Variants in RNASET2 observed in about 807,000 individuals in gnomAD.
The protein encoded by RNASET2 is ribonuclease T2.
A neutral mutation model predicts 33.9 loss-of-function variants in RNASET2; 28 were observed. That is an observed-to-expected ratio of 0.83 (90% CI 0.61 to 1.13). The LOEUF is 1.13. Among genes scored for constraint, RNASET2 ranks in the 50% most tolerant of loss-of-function variants. The pLI, the probability that RNASET2 is intolerant of heterozygous loss-of-function variation, is 0.00. For missense variants in RNASET2, 330 were observed against 319.9 expected (o/e 1.03, Z -0.24); for synonymous variants, 123 against 121.0 (o/e 1.02, Z -0.11).
At chr6:166,942,215 G>A (rs866453535) in intron 5 of RNASET2, among the ~76,000 whole-genome samples, 22 of 152,078 alleles carry the variant, frequency 1.4e-4, no homozygotes, top group African/African-American at 4.3e-4. Context: ...ATCATGCCCA[G>A]CTAATTTTTG....
chr6:166,924,986 C>T lies in RNASET2; in HGVS notation c.*4602G>A, dbSNP rs1321706146. Reference sequence around the variant, plus strand: ...GCAGGAGAAGTACAGGCCTCACCTCCACCGCGCAGGCCTCATCTACGCCAT... The same window carrying T: ...GCAGGAGAAGTACAGGCCTCACCTCTACCGCGCAGGCCTCATCTACGCCAT... On this transcript the variant is annotated 3_prime_UTR_variant, in exon 9 of 9. Coordinates refer to ENST00000508775, the MANE Select transcript of RNASET2 (RefSeq NM_003730.6). Among the ~76,000 whole-genome samples, 3 of 152,056 alleles carry T rather than the reference C, an allele frequency of 2.0e-5. No individual in the cohort carries two copies. Among genetic ancestry groups the T allele is most frequent in the African/African-American group, 7.2e-5 (3 of 41,386 alleles).
Position 166,922,281 on chromosome 6 carries a change from C to T in RNASET2, c.*7307G>A, listed in dbSNP as rs1210531634. ...TACTCACTGACACACTCAAAAAGCG[C>T]GGTGATCTGAGTTATAGTAAAGCCT... is the stretch of plus-strand genomic sequence containing the variant. On this transcript the variant is annotated 3_prime_UTR_variant, in exon 9 of 9. Transcript: ENST00000508775. 2.0e-5 allele frequency among the ~76,000 whole-genome samples: 3 copies of T among 152,146 alleles called. No individual in the cohort carries two copies. Among genetic ancestry groups the T allele is most frequent in the South Asian group, 4.1e-4 (2 of 4,822 alleles).
Position 166,926,324 on chromosome 6 carries a change from G to C in RNASET2, c.*3264C>G, listed in dbSNP as rs561169209. Among the ~76,000 whole-genome samples the C allele has an allele frequency of 6.6e-6, 1 of 151,744 alleles. No individual in the cohort carries two copies. Among genetic ancestry groups the C allele is most frequent in the East Asian group, 1.9e-4 (1 of 5,152 alleles). ...AGGCTGAGGCAGGCAGATCACCTGA[G>C]GTCAGGAGTTCCAGACCAGCCTGGC... On this transcript the variant is annotated 3_prime_UTR_variant, in exon 9 of 9. Coordinates refer to ENST00000508775, the MANE Select transcript of RNASET2 (RefSeq NM_003730.6).
intron 3 of RNASET2, among the ~76,000 whole-genome samples, chr6:166,947,080 T>G (rs1431550749): frequency 6.6e-6 from 1 of 151,992 alleles, no homozygotes; most frequent in Non-Finnish European, 1.5e-5. Context: ...CAACCTCTGC[T>G]GCTCCCTAGC....
intron 1 of RNASET2, among the ~76,000 whole-genome samples, chr6:166,955,273 G>A (rs965908667): frequency 2.8e-4 from 24 of 84,758 alleles, no homozygotes; most frequent in African/African-American, 1.0e-3. Context: ...ACACACACGC[G>A]CACACACGAC....
chr6:166,936,039 C>G (rs912148944), intron 6 of RNASET2, among the ~76,000 whole-genome samples: 1 of 152,036 alleles, frequency 6.6e-6, no homozygotes, highest in Non-Finnish European at 1.5e-5. Flanking sequence ...TACCAGTTTA[C>G]AAGGAAAAAT....
intron 1 of RNASET2, chr6:166,952,879 C>G (rs932634360): frequency 2.8e-5 from 10 of 355,754 alleles, no homozygotes; most frequent in South Asian, 2.6e-4. Context: ...CACGAAGCAC[C>G]TTTCTCCTAA....
intron 4 of RNASET2, among the ~76,000 whole-genome samples, chr6:166,944,879 G>A (rs1216477401): frequency 6.6e-6 from 1 of 151,592 alleles, no homozygotes; most frequent in African/African-American, 2.4e-5. Flanking sequence ...GCCCACACCT[G>A]TCAGCGCTGT....
In RNASET2 at chr6:166,934,135, C is replaced by A. The variant is rs771231451; in HGVS notation, c.448G>T (p.Val150Leu). The A allele has an allele frequency of 3.1e-6, 5 of 1,593,466 alleles. No homozygotes were observed. In the African/African-American group the frequency reaches 6.7e-5, roughly 21 times the overall value. ...ELYRELDLNS[V>L]LLKLGIKPSI... ...GGTTTTATCCCCAATTTTAGAAGCA[C>A]ACTAAAATTTAAATTTAAAAAAGTT... The change falls in exon 7 of 9, where the codon GTG (valine) becomes TTG (leucine). Residue 150 changes from valine (V) to leucine (L), a missense_variant and splice_region_variant. Coordinates refer to ENST00000508775, the MANE Select transcript of RNASET2 (RefSeq NM_003730.6).
chr6:166,940,929 G>A (rs1438554743), intron 5 of RNASET2, among the ~76,000 whole-genome samples: 2 of 152,010 alleles, frequency 1.3e-5, no homozygotes, highest in African/African-American at 4.8e-5. Context: ...CCTCGGGGCT[G>A]GTTATGCCCA....
In RNASET2 at chr6:166,929,335, G is replaced by C. The variant is rs960190591; in HGVS notation, c.*253C>G. Among the ~76,000 whole-genome samples the C allele has an allele frequency of 2.8e-5, 4 of 140,876 alleles. No homozygotes were observed. Among genetic ancestry groups the C allele is most frequent in the African/African-American group, 1.2e-4 (4 of 32,360 alleles). The allele number at this position is 140,876 out of a possible 152,430, so 92.4% of individuals were successfully genotyped here. ...GCCTGATCTACCAGGGCACTGAAGA[G>C]TTTAATAGAGAAAAAAAAAAACAAT... On this transcript the variant is annotated 3_prime_UTR_variant, in exon 9 of 9. Transcript: ENST00000508775.
chr6:166,955,241 A>ACG (rs1554270003), intron 1 of RNASET2, among the ~76,000 whole-genome samples: 3 of 122,556 alleles, frequency 2.4e-5, no homozygotes, highest in South Asian at 2.5e-4. Flanking sequence ...GCACGCACGC[A>ACG]CACACACGCA....
At chr6:166,955,197 GCACGCACA>G (rs1343158343) in intron 1 of RNASET2, among the ~76,000 whole-genome samples, 2 of 119,074 alleles carry the variant, frequency 1.7e-5, no homozygotes, top group Non-Finnish European at 3.4e-5. Context: ...ACGCACACAC[GCACGCACA>G]CACGCACGCA....
At chr6:166,941,656 G>C (rs1014808419) in intron 5 of RNASET2, among the ~76,000 whole-genome samples, 1 of 152,058 alleles carries the variant, frequency 6.6e-6, no homozygotes, top group Non-Finnish European at 1.5e-5. Context: ...ACCAGAAAGG[G>C]GGACATCACT....
chr6:166,951,046 G>A (rs1200893621), intron 2 of RNASET2, among the ~76,000 whole-genome samples: 1 of 152,114 alleles, frequency 6.6e-6, no homozygotes, highest in African/African-American at 2.4e-5. Context: ...TGGCTGCACT[G>A]TTGTTTATTG....
chr6:166,939,915 T>C (rs1178298464), intron 5 of RNASET2, among the ~76,000 whole-genome samples: 3 of 152,216 alleles, frequency 2.0e-5, no homozygotes, highest in African/African-American at 7.2e-5. Context: ...TTTACAAAAA[T>C]CTTTCACGTT....
rs1252861173 is a variant in RNASET2 at position 166,929,135 on chromosome 6, T to A, written c.*453A>T. 1.3e-5 allele frequency among the ~76,000 whole-genome samples: 2 copies of A among 152,186 alleles called. No individual in the cohort carries two copies. The highest frequency in any genetic ancestry group is 4.8e-5 in the African/African-American group (2 of 41,444). ...CTCTGGTCACATGGAACAGACCCAGTCTGAGCTAGAGACACCCCCCAGGCC... is the reference window on the plus strand; with the variant it reads ...CTCTGGTCACATGGAACAGACCCAGACTGAGCTAGAGACACCCCCCAGGCC... On this transcript the variant is annotated 3_prime_UTR_variant, in exon 9 of 9. Coordinates refer to ENST00000508775, the MANE Select transcript of RNASET2 (RefSeq NM_003730.6).
At chr6:166,954,296 G>A (rs112801133) in intron 1 of RNASET2, among the ~76,000 whole-genome samples, 1 of 152,218 alleles carries the variant, frequency 6.6e-6, no homozygotes, top group Non-Finnish European at 1.5e-5. Context: ...GCCTGCTCAA[G>A]TTTGTCCGAT....
chr6:166,951,404 A>G (rs922693862), intron 2 of RNASET2, among the ~76,000 whole-genome samples: 1 of 152,240 alleles, frequency 6.6e-6, no homozygotes, highest in Admixed American at 6.5e-5. Context: ...CACAAGAGGT[A>G]TGGTGAAGCA....
Sources: allele counts gnomAD v4.1 joint callset (sites outside exome capture counted in the v4.1 genomes callset), GRCh38; gene constraint gnomAD v4.1.1; transcripts MANE v1.5; gene names NCBI Gene and HGNC (gene_info 2026-07-23, HGNC 2026-07-21).